The following TTLL10 variants were observed in gnomAD, a reference collection of about 807,000 sequenced individuals.
The protein encoded by TTLL10 is inactive polyglycylase TTLL10.
A neutral mutation model predicts 69.0 loss-of-function variants in TTLL10; 61 were observed. That is an observed-to-expected ratio of 0.88 (90% CI 0.72 to 1.09). TTLL10 has a LOEUF of 1.09. Among genes scored for constraint, TTLL10 ranks in the 50% least tolerant of loss-of-function variants. The probability of loss-of-function intolerance (pLI) is 0.00; values close to 1 mark genes in which losing one functional copy is unlikely to be tolerated. For synonymous variants in TTLL10, 408 were observed against 393.3 expected (o/e 1.04, Z -0.44); for missense variants, 962 against 945.9 (o/e 1.02, Z -0.22).
intron 13 of TTLL10, among the ~76,000 whole-genome samples, chr1:1,193,982 A>AC (rs60117456): frequency 0.12 from 17,876 of 151,858 alleles, 1,664 homozygotes; most frequent in African/African-American, 0.25. Flanking sequence ...ACATAGTGAG[A>AC]CCCCATCTCT....
At chr1:1,176,220 C>T (rs1239477856) in intron 3 of TTLL10, 4 of 446,766 alleles carry the variant, frequency 9.0e-6, no homozygotes, top group Non-Finnish European at 1.8e-5. Context: ...TGCTCCCAGC[C>T]GCTGTGCAGG....
chr1:1,180,986 ACCCAGGCT>A, intron 8 of TTLL10, 126 bp downstream of exon 8: 1 of 799,016 alleles, frequency 1.3e-6, no homozygotes, highest in Non-Finnish European at 1.7e-6. Flanking sequence ...GCCCCTGGCC[ACCCAGGCT>A]CCCAGGCTGG....
In TTLL10 at chr1:1,181,721, C is replaced by T; in HGVS notation, c.756-20C>T. The T allele has an allele frequency of 1.3e-6, 2 of 1,578,436 alleles. No homozygotes were observed. The highest frequency in any genetic ancestry group is 1.2e-5 in the South Asian group (1 of 85,926). On this transcript the variant is annotated intron_variant, in intron 8 of 15. Coordinates refer to ENST00000379289, the MANE Select transcript of TTLL10 (RefSeq NM_001130045.2). This position sits in a 1 kb window ranked among gnomAD's most constrained non-coding sequence, Gnocchi z 4.6. ...ATGAGCTGGCCCCTCAGTCCAGGCC[C>T]TCTGTCCCCTGGGCTGCAGGCTGGA... is the stretch of plus-strand genomic sequence containing the variant.
chr1:1,183,856 TGA>T, intron 11 of TTLL10, 62 bp from the exon 12 acceptor site: 1 of 1,598,618 alleles, frequency 6.3e-7, no homozygotes, highest in Non-Finnish European at 8.5e-7. Flanking sequence ...GGGTGGGGTG[TGA>T]GGGGATGCAG....
chr1:1,196,858 GTA>G (rs1219402375), intron 14 of TTLL10, 142 bp downstream of exon 14: 1 of 766,326 alleles, frequency 1.3e-6, no homozygotes, highest in Admixed American at 2.1e-5. Flanking sequence ...GGGGATGGGT[GTA>G]TCCATGAGGC....
rs1428472372 is a variant in TTLL10 at position 1,180,131 on chromosome 1, G to A, written c.297G>A (p.Pro99=). Residue 99 remains proline, a synonymous_variant, in exon 6 of 16, where the codon CCG becomes CCA. Coordinates refer to ENST00000379289, the MANE Select transcript of TTLL10 (RefSeq NM_001130045.2). ...ACGACGCAGATGGACACTGTGGGCC[G>A]GACCTGGAGGGGGCAGAAAGAGCCT... ...PDHDADGHCG[P]DLEGAERASA... is the part of the protein sequence containing the mutation. The A allele has an allele frequency of 1.1e-5, 18 of 1,610,976 alleles. No individual in the cohort carries two copies. Among genetic ancestry groups the A allele is most frequent in the African/African-American group, 5.3e-5 (4 of 74,894 alleles).
intron 14 of TTLL10, 56 bp from the exon 15 acceptor site, chr1:1,197,037 C>T (rs1648269744): frequency 2.0e-6 from 3 of 1,498,768 alleles, no homozygotes; most frequent in Non-Finnish European, 1.8e-6. Context: ...GGGCCTCTGC[C>T]TCCTGCTGGC....
At chr1:1,182,096 G>C (rs1382550578) in intron 9 of TTLL10, among the ~76,000 whole-genome samples, 1 of 152,240 alleles carries the variant, frequency 6.6e-6, no homozygotes, top group Non-Finnish European at 1.5e-5. Flanking sequence ...TGCCAGCCGG[G>C]AGAGCAACCA....
chr1:1,186,279 G>A (rs1647311786), intron 13 of TTLL10, among the ~76,000 whole-genome samples: 1 of 152,072 alleles, frequency 6.6e-6, no homozygotes, highest in African/African-American at 2.4e-5. Context: ...AGTAGAGATG[G>A]GGTTTTGCCG....
chr1:1,183,525 G>T (rs774507000), intron 11 of TTLL10, among the ~76,000 whole-genome samples: 1 of 152,142 alleles, frequency 6.6e-6, no homozygotes, highest in Non-Finnish European at 1.5e-5. Context: ...GCCGTCTGCC[G>T]TCCCCAGCTT....
In TTLL10 at chr1:1,182,373, G is replaced by T. The variant is rs200663360; in HGVS notation, c.843G>T (p.Met281Ile). ...CCCTGCCCTGCAGGGTCCTGAGAAT[G>T]GAAGAGTTTTTCCCAGAGACCTACC... ...GYLRPQRVLR[M>I]EEFFPETYRL... Residue 281 changes from methionine (M) to isoleucine (I), a missense_variant, in exon 10 of 16, where the codon ATG becomes ATT. Physicochemically the swap from Met to Ile is conservative, Grantham distance 10. Transcript: ENST00000379289. 8.1e-6 allele frequency: 13 copies of T among 1,613,880 alleles called. No homozygotes were observed. In the South Asian group the frequency reaches 8.8e-5, roughly 11 times the overall value.
At chr1:1,180,705 C>T (rs950716258) in intron 7 of TTLL10, 26 bp from the exon 8 acceptor site, 3 of 1,593,648 alleles carry the variant, frequency 1.9e-6, no homozygotes, top group Non-Finnish European at 2.6e-6. Context: ...GCTCCCTCCA[C>T]ACGAGCCCTG....
At chr1:1,196,521 T>C in intron 13 of TTLL10, 79 bp from the exon 14 acceptor site, 4 of 1,043,678 alleles carry the variant, frequency 3.8e-6, no homozygotes, top group Non-Finnish European at 5.8e-6. Flanking sequence ...AGGTGAGGGA[T>C]GTGGCTGTGG....
intron 14 of TTLL10, 22 bp from the exon 15 acceptor site, chr1:1,197,071 G>T (rs1053016278): frequency 1.3e-6 from 2 of 1,550,694 alleles, no homozygotes; most frequent in African/African-American, 1.4e-5. Context: ...GGTGAGGAGG[G>T]ACTGACTGGC....
At chr1:1,193,566 C>T (rs925563789) in intron 13 of TTLL10, among the ~76,000 whole-genome samples, 4 of 151,550 alleles carry the variant, frequency 2.6e-5, no homozygotes, top group African/African-American at 7.2e-5. Flanking sequence ...CGGATTCAAG[C>T]GATTCTCCTG....
At chr1:1,196,786 C>T (rs771732906) in intron 14 of TTLL10, 70 bp downstream of exon 14, 40 of 1,136,446 alleles carry the variant, frequency 3.5e-5, no homozygotes, top group Non-Finnish European at 5.2e-5. Flanking sequence ...TACACCCTGA[C>T]CACACTGGCA....
At chr1:1,179,821 G>A in intron 5 of TTLL10, 84 bp downstream of exon 5, 1 of 1,469,168 alleles carries the variant, frequency 6.8e-7, no homozygotes, top group South Asian at 1.4e-5. Flanking sequence ...AGGAAGCCTG[G>A]CCCTGGAGGG....
chr1:1,175,861 C>T (rs980283997), intron 3 of TTLL10: 2 of 406,976 alleles, frequency 4.9e-6, no homozygotes, highest in Non-Finnish European at 9.8e-6. Context: ...GGTGGAGAGG[C>T]TGCTGCCGTG....
In TTLL10 at chr1:1,182,697, G is replaced by A. The variant is rs190210386; in HGVS notation, c.917-179G>A. 9.2e-3 allele frequency among the ~76,000 whole-genome samples: 1,407 copies of A among 152,190 alleles called. 29 individuals carry two copies. Among genetic ancestry groups the A allele is most frequent in the African/African-American group, 0.029 (1,213 of 41,514 alleles). ...TGGGGCCAGGGCTGGAGCTTGGTCC[G>A]GGTGAGCGTGGTCGAGGCACGGGCA... On this transcript the variant is annotated intron_variant, in intron 10 of 15. Transcript: ENST00000379289.
Sources: gnomAD v4.1 joint callset for allele counts (sites outside exome capture counted in the v4.1 genomes callset) on GRCh38, gnomAD v4.1.1 for gene constraint, Gnocchi (gnomAD v3.1) non-coding constraint, MANE v1.5 for transcripts, NCBI Gene and HGNC (gene_info 2026-07-23, HGNC 2026-07-21) for gene names.